WTAP: variants seen among roughly 807,000 people sequenced by gnomAD.
WTAP encodes the protein pre-mRNA-splicing regulator WTAP.
A neutral mutation model predicts 50.0 loss-of-function variants in WTAP; 8 were observed. The observed-to-expected ratio is 0.16, with a 90% confidence interval of 0.09 to 0.29. The LOEUF (loss-of-function observed/expected upper bound fraction) is 0.29, where lower values mean the gene tolerates loss of function less well. WTAP is among the 10% of genes least tolerant of loss of function. The pLI, the probability that WTAP is intolerant of heterozygous loss-of-function variation, is 1.00. For synonymous variants in WTAP, 194 were observed against 169.0 expected, an observed-to-expected ratio of 1.15 and a Z score of -1.15; for missense variants, 295 against 470.7, an observed-to-expected ratio of 0.63 and a Z score of 3.45.
At chr6:159,738,284 C>T (rs1165420810) in intron 2 of WTAP, among the ~76,000 whole-genome samples, 1 of 152,220 alleles carries the variant, frequency 6.6e-6, no homozygotes, top group Non-Finnish European at 1.5e-5. Context: ...AATTTATCTC[C>T]ATTTGTATAA....
At chr6:159,743,447 A>G (rs1779382973) in intron 4 of WTAP, among the ~76,000 whole-genome samples, 1 of 152,232 alleles carries the variant, frequency 6.6e-6, no homozygotes, top group Non-Finnish European at 1.5e-5. Context: ...AGATGAAACT[A>G]TAAAAACATA....
In WTAP at chr6:159,738,977, A is replaced by G; in HGVS notation, c.31-13A>G. Reference sequence around the variant, plus strand: ...GGAAGAACACTAAATTCATATTGTAATTCTCTTTATAGGTTCGATTGAGTG... The same window carrying G: ...GGAAGAACACTAAATTCATATTGTAGTTCTCTTTATAGGTTCGATTGAGTG... On this transcript the variant is annotated splice_polypyrimidine_tract_variant and intron_variant, in intron 2 of 7. Coordinates refer to ENST00000621533, the MANE Select transcript of WTAP (RefSeq NM_001270531.2). 6.2e-7 allele frequency: 1 copy of G among 1,602,492 alleles called. No individual in the cohort carries two copies. Among genetic ancestry groups the G allele is most frequent in the Non-Finnish European group, 8.5e-7 (1 of 1,171,308 alleles).
At chr6:159,735,705 C>T (rs866261218) in intron 1 of WTAP, among the ~76,000 whole-genome samples, 8 of 151,866 alleles carry the variant, frequency 5.3e-5, no homozygotes, top group African/African-American at 9.7e-5. Flanking sequence ...CCTGAGATCG[C>T]GCCACTGCAC....
chr6:159,755,760 CTTTTCTTTTTTTTTTTTT>C lies in WTAP; in HGVS notation c.*154_*171del. On this transcript the variant is annotated 3_prime_UTR_variant, in exon 8 of 8. Transcript: ENST00000621533. Reference sequence around the variant, plus strand: ...TGTTTTTTTTCTTTGTTTTTTTTTTCTTTTCTTTTTTTTTTTTTTTTTTTTTTTTTGCTTCAATACTTC... The same window carrying C: ...TGTTTTTTTTCTTTGTTTTTTTTTTCTTTTTTTTTTTTGCTTCAATACTTC... The C allele has an allele frequency of 3.5e-6, 1 of 281,890 alleles. No homozygotes were observed. The highest frequency in any genetic ancestry group is 4.7e-6 in the Non-Finnish European group (1 of 212,246). 17.5% of individuals were successfully genotyped at this position (281,890 alleles called of 1,614,324 possible).
At chr6:159,726,823 G>A (rs1339553804), upstream of WTAP, 2 of 1,289,194 alleles carry the variant, frequency 1.6e-6, no homozygotes, top group Middle Eastern at 2.1e-4. Flanking sequence ...GAGAGGGAAG[G>A]CATCGGTTTC....
upstream of WTAP, chr6:159,727,304 C>T: frequency 7.8e-7 from 1 of 1,281,034 alleles, no homozygotes. Flanking sequence ...GGGCGAGTGA[C>T]TGCGGCCACG....
intron 1 of WTAP, among the ~76,000 whole-genome samples, chr6:159,733,590 G>A (rs888881084): frequency 4.0e-5 from 6 of 151,268 alleles, no homozygotes; most frequent in African/African-American, 1.5e-4. Context: ...CCACTGCACT[G>A]TGGTCTAGGT....
At chr6:159,749,497 G>A (rs1779746183) in intron 6 of WTAP, 1 of 950,340 alleles carries the variant, frequency 1.1e-6, no homozygotes, top group Non-Finnish European at 1.3e-6. Context: ...TTAATTTGGG[G>A]CGGGGAGGGC....
chr6:159,741,506 T>A (rs892605098), intron 3 of WTAP: 1 of 151,628 alleles, frequency 6.6e-6, no homozygotes, highest in Admixed American at 6.6e-5. Context: ...AGCAGTGGGA[T>A]TTTTTTTTCA....
chr6:159,750,811 C>T (rs1216766677), intron 6 of WTAP, among the ~76,000 whole-genome samples: 1 of 150,836 alleles, frequency 6.6e-6, no homozygotes, highest in Non-Finnish European at 1.5e-5. Flanking sequence ...ATAAATACAT[C>T]ACTAATTTGA....
At chr6:159,743,392 G>A (rs1323522924) in intron 4 of WTAP, among the ~76,000 whole-genome samples, 1 of 152,232 alleles carries the variant, frequency 6.6e-6, no homozygotes, top group Non-Finnish European at 1.5e-5. Flanking sequence ...TCAGGATTTT[G>A]TGAATACTGT....
intron 2 of WTAP, among the ~76,000 whole-genome samples, chr6:159,737,221 G>C (rs1217481711): frequency 6.6e-6 from 1 of 152,034 alleles, no homozygotes; most frequent in African/African-American, 2.4e-5. Context: ...GCTAATTTTT[G>C]TATTTCTTGT....
At chr6:159,753,424 T>A (rs1440) in intron 6 of WTAP, 36 bp from the exon 7 acceptor site, 1 of 1,613,326 alleles carries the variant, frequency 6.2e-7, no homozygotes, top group Non-Finnish European at 8.5e-7. Context: ...GAGAGTTTTG[T>A]CTTCATTTTG....
chr6:159,733,580 C>T (rs999869973), intron 1 of WTAP, among the ~76,000 whole-genome samples: 1 of 151,422 alleles, frequency 6.6e-6, no homozygotes, highest in African/African-American at 2.4e-5. Flanking sequence ...CATCATCGCA[C>T]CACTGCACTG....
upstream of WTAP, chr6:159,727,098 G>A (rs935028945): frequency 3.3e-6 from 4 of 1,194,344 alleles, no homozygotes; most frequent in East Asian, 1.2e-4. Context: ...GACCTCGCTG[G>A]CCCGCCCCTC....
chr6:159,740,193 C>T (rs4709364), intron 3 of WTAP, among the ~76,000 whole-genome samples: 32,017 of 151,520 alleles, frequency 0.21, 3,520 homozygotes, highest in East Asian at 0.4. Flanking sequence ...TTTTTAATGC[C>T]TTCTTACATA....
chr6:159,730,754 TG>T (rs1778515378), intron 1 of WTAP: 1 of 152,224 alleles, frequency 6.6e-6, no homozygotes, highest in Non-Finnish European at 1.5e-5. Context: ...AAAGTGACTC[TG>T]AGAGTTGACT....
chr6:159,744,782 TA>T (rs1779472844), intron 5 of WTAP, among the ~76,000 whole-genome samples: 1 of 152,172 alleles, frequency 6.6e-6, no homozygotes, highest in Non-Finnish European at 1.5e-5. Flanking sequence ...TGCAGTGGTG[TA>T]ATCACACCTC....
At chr6:159,751,326 A>T (rs182789903) in intron 6 of WTAP, among the ~76,000 whole-genome samples, 1 of 152,250 alleles carries the variant, frequency 6.6e-6, no homozygotes, top group Non-Finnish European at 1.5e-5. Flanking sequence ...GTCAGGTCAC[A>T]GATTAATGTA....
Sources: gnomAD v4.1 joint callset for allele counts (sites outside exome capture counted in the v4.1 genomes callset) on GRCh38, gnomAD v4.1.1 for gene constraint, MANE v1.5 for transcripts, NCBI Gene and HGNC (gene_info 2026-07-23, HGNC 2026-07-21) for gene names.